Variants in SLC38A12 observed in about 807,000 individuals in gnomAD.
SLC38A12 encodes solute carrier family 38 member 12.
At chr17:74,777,395 C>T in the SLC38A12 span, 3 of 1,614,002 alleles carry the variant, frequency 1.9e-6, no homozygotes, top group African/African-American at 1.3e-5. Context: ...ACTTATAGAA[C>T]CTTTTGCTCA....
chr17:74,806,981 G>A, the SLC38A12 span, among the ~76,000 whole-genome samples: 14 of 152,078 alleles, frequency 9.2e-5, no homozygotes, highest in Non-Finnish European at 1.9e-4. Context: ...TGATTTTAGG[G>A]CAGTCTGATT....
the SLC38A12 span, chr17:74,839,149 C>A: frequency 4.6e-6 from 7 of 1,516,870 alleles, no homozygotes; most frequent in Non-Finnish European, 6.2e-6. Context: ...TCACCTGAGG[C>A]TAGAGCAGCA....
At chr17:74,839,286 G>A in the SLC38A12 span, 1 of 1,058,126 alleles carries the variant, frequency 9.5e-7, no homozygotes, top group Non-Finnish European at 1.3e-6. Flanking sequence ...GGGGCAGGGA[G>A]CAGCCTCGGC....
the SLC38A12 span, among the ~76,000 whole-genome samples, chr17:74,823,221 C>G: frequency 6.6e-6 from 1 of 152,088 alleles, no homozygotes; most frequent in Non-Finnish European, 1.5e-5. Context: ...TGGAAATAAG[C>G]TGGCTTGGGT....
At chr17:74,777,538 G>A in the SLC38A12 span, 1 of 1,541,820 alleles carries the variant, frequency 6.5e-7, no homozygotes, top group Non-Finnish European at 8.7e-7. Context: ...GTGCTGCTGT[G>A]GTGGCTCAGA....
chr17:74,798,490 C>G, the SLC38A12 span, among the ~76,000 whole-genome samples: 7 of 152,134 alleles, frequency 4.6e-5, no homozygotes, highest in South Asian at 2.1e-4. Flanking sequence ...GCCTGACGAC[C>G]CTTGTCCATA....
the SLC38A12 span, among the ~76,000 whole-genome samples, chr17:74,814,036 A>G: frequency 6.6e-6 from 1 of 152,114 alleles, no homozygotes; most frequent in African/African-American, 2.4e-5. Flanking sequence ...ACTATTAGGG[A>G]CACTGACTCC....
At chr17:74,786,226 G>C in the SLC38A12 span, among the ~76,000 whole-genome samples, 1 of 152,220 alleles carries the variant, frequency 6.6e-6, no homozygotes, top group Non-Finnish European at 1.5e-5. Context: ...TCCCACACAC[G>C]TAGGGACTAG....
chr17:74,799,589 CA>C, the SLC38A12 span, among the ~76,000 whole-genome samples: 1 of 152,132 alleles, frequency 6.6e-6, no homozygotes, highest in Admixed American at 6.5e-5. Flanking sequence ...AGTGGAGGGC[CA>C]GGGGGATTTC....
the SLC38A12 span, among the ~76,000 whole-genome samples, chr17:74,822,220 C>A: frequency 2.0e-5 from 3 of 152,222 alleles, no homozygotes; most frequent in Non-Finnish European, 4.4e-5. Context: ...CCAGCAGGGC[C>A]CCGGGGTCCT....
chr17:74,779,945 G>A, the SLC38A12 span, among the ~76,000 whole-genome samples: 1 of 152,252 alleles, frequency 6.6e-6, no homozygotes, highest in Non-Finnish European at 1.5e-5. Context: ...GCTGAACACG[G>A]GAACGTGGTT....
the SLC38A12 span, among the ~76,000 whole-genome samples, chr17:74,802,387 C>T: frequency 6.6e-6 from 1 of 152,218 alleles, no homozygotes; most frequent in African/African-American, 2.4e-5. Flanking sequence ...TGTCACAAAG[C>T]AGCAGGCAGT....
the SLC38A12 span, among the ~76,000 whole-genome samples, chr17:74,784,534 G>A: frequency 6.6e-6 from 1 of 152,104 alleles, no homozygotes; most frequent in African/African-American, 2.4e-5. Context: ...AGGAAAGGAG[G>A]CGTGTGCTTG....
the SLC38A12 span, chr17:74,790,251 C>G: frequency 1.2e-6 from 2 of 1,614,020 alleles, no homozygotes; most frequent in African/African-American, 2.7e-5. Flanking sequence ...TGTTCTCATC[C>G]GGGACAACTA....
the SLC38A12 span, chr17:74,788,912 G>A: frequency 8.0e-5 from 127 of 1,578,838 alleles, no homozygotes; most frequent in Middle Eastern, 1.7e-4. Flanking sequence ...CCTCTGTTCC[G>A]TCAGGTACCC....
chr17:74,820,687 C>T, the SLC38A12 span, among the ~76,000 whole-genome samples: 1 of 152,192 alleles, frequency 6.6e-6, no homozygotes, highest in Non-Finnish European at 1.5e-5. Context: ...AGCTTGCCTG[C>T]CTCTCAGCAC....
At chr17:74,795,341 G>A in the SLC38A12 span, among the ~76,000 whole-genome samples, 3 of 152,202 alleles carry the variant, frequency 2.0e-5, no homozygotes, top group Non-Finnish European at 2.9e-5. Context: ...GGGCTCCTGA[G>A]TCATTGGGAA....
chr17:74,777,557 C>T, the SLC38A12 span: 37 of 1,532,290 alleles, frequency 2.4e-5, no homozygotes, highest in South Asian at 4.3e-4. Flanking sequence ...GAATGTAAGT[C>T]AGATTTATTC....
At chr17:74,793,077 C>T in the SLC38A12 span, among the ~76,000 whole-genome samples, 73 of 152,212 alleles carry the variant, frequency 4.8e-4, no homozygotes, top group Non-Finnish European at 9.1e-4. Context: ...CTTTTTTGCC[C>T]CCCACTACAG....
Sources: allele counts gnomAD v4.1 joint callset (sites outside exome capture counted in the v4.1 genomes callset), GRCh38; gene constraint gnomAD v4.1.1; transcripts MANE v1.5; gene names NCBI Gene and HGNC (gene_info 2026-07-23, HGNC 2026-07-21).